The following ZNF385D variants were observed in gnomAD, a reference collection of about 807,000 sequenced individuals.
The protein encoded by ZNF385D is zinc finger protein 385D.
A neutral mutation model predicts 35.8 loss-of-function variants in ZNF385D; 15 were observed. The observed-to-expected ratio is 0.42, with a 90% CI of 0.28 to 0.64. ZNF385D has a LOEUF of 0.64. ZNF385D is among the 30% of genes least tolerant of loss of function. The pLI is 0.23. For missense variants in ZNF385D, 474 were observed against 494.6 expected (o/e 0.96, Z 0.39); for synonymous variants, 212 against 186.8 (o/e 1.13, Z -1.10).
At chr3:21,951,441 T>G (rs1326512412) in intron 3 of ZNF385D, among the ~76,000 whole-genome samples, 2 of 151,708 alleles carry the variant, frequency 1.3e-5, no homozygotes, top group Non-Finnish European at 2.9e-5. Context: ...TTAAGGAGAT[T>G]TGGGGCTGAG....
At chr3:22,294,662 G>A (rs1174131104) in intron 2 of ZNF385D, among the ~76,000 whole-genome samples, 1 of 152,028 alleles carries the variant, frequency 6.6e-6, no homozygotes, top group Non-Finnish European at 1.5e-5. Flanking sequence ...ATTACTAACT[G>A]AGTGTTGATG....
chr3:22,342,036 G>A (rs1296689987), intron 2 of ZNF385D, among the ~76,000 whole-genome samples: 8 of 152,000 alleles, frequency 5.3e-5, no homozygotes, highest in African/African-American at 1.9e-4. Flanking sequence ...AGCACTTTGG[G>A]AGGCCAAGGC....
rs1355697924 is a variant in ZNF385D at position 21,626,338 on chromosome 3, T to A, written c.165+38548A>T. 5.3e-5 allele frequency among the ~76,000 whole-genome samples: 8 copies of A among 152,222 alleles called. No homozygotes were observed. The East Asian group carries it at 1.5e-3, about 29-fold the overall frequency. Reference sequence around the variant, plus strand: ...GTGCCAGAAACTATGCTACATGTGTTATCACAATCTTCGCAAAAAGTCCAT... The same window carrying A: ...GTGCCAGAAACTATGCTACATGTGTAATCACAATCTTCGCAAAAAGTCCAT... On this transcript the variant is annotated intron_variant, in intron 2 of 7. Transcript: ENST00000281523.
chr3:21,976,950 T>G (rs766275369), intron 3 of ZNF385D, among the ~76,000 whole-genome samples: 1 of 152,152 alleles, frequency 6.6e-6, no homozygotes, highest in African/African-American at 2.4e-5. Context: ...ATTGTGCCAC[T>G]GCACGTCAGC....
At chr3:22,119,380 G>A (rs1052878860) in intron 3 of ZNF385D, among the ~76,000 whole-genome samples, 1 of 152,102 alleles carries the variant, frequency 6.6e-6, no homozygotes, top group Non-Finnish European at 1.5e-5. Flanking sequence ...ATGCAGTCTA[G>A]ACTAATTTAC....
chr3:22,143,619 T>G (rs914331096), intron 3 of ZNF385D, among the ~76,000 whole-genome samples: 1 of 152,172 alleles, frequency 6.6e-6, no homozygotes, highest in Non-Finnish European at 1.5e-5. Flanking sequence ...CTTTAAATAT[T>G]CCTATATTGA....
At position 22,118,907 on chromosome 3, in the gene ZNF385D, T is replaced by G. The variant is rs147188250; in HGVS notation, c.325+49910A>C. On this transcript the variant is annotated intron_variant, in intron 3 of 5. Transcript: ENST00000494108. ...TGTAGATAAAAGTTTTTAGAAACATTTGCAAGTCTTATAACATTATCGACC... is the reference window on the plus strand; with the variant it reads ...TGTAGATAAAAGTTTTTAGAAACATGTGCAAGTCTTATAACATTATCGACC... Among the ~76,000 whole-genome samples the G allele has an allele frequency of 3.8e-3, 586 of 152,282 alleles. 12 individuals carry two copies. The highest frequency in any genetic ancestry group is 0.014 in the African/African-American group (562 of 41,562).
At chr3:22,032,528 G>C (rs1698064235) in intron 3 of ZNF385D, among the ~76,000 whole-genome samples, 2 of 152,094 alleles carry the variant, frequency 1.3e-5, no homozygotes, top group Admixed American at 6.6e-5. Flanking sequence ...TTTGAGATGA[G>C]ATTTGGGTAG....
chr3:21,594,256 G>T (rs868829624), intron 2 of ZNF385D, among the ~76,000 whole-genome samples: 1 of 152,070 alleles, frequency 6.6e-6, no homozygotes, highest in Non-Finnish European at 1.5e-5. Context: ...TTGTTCTCTG[G>T]ACTTCCCATG....
chr3:21,488,592 C>T (rs1387251216), intron 4 of ZNF385D, among the ~76,000 whole-genome samples: 3 of 151,994 alleles, frequency 2.0e-5, no homozygotes, highest in South Asian at 2.1e-4. Flanking sequence ...ATTCTTAATA[C>T]TGTTCTAGTG....
intron 3 of ZNF385D, among the ~76,000 whole-genome samples, chr3:22,137,138 C>T (rs190359816): frequency 6.6e-6 from 1 of 152,204 alleles, no homozygotes; most frequent in African/African-American, 2.4e-5. Flanking sequence ...TATATAAGAT[C>T]TTTCTGTGTT....
chr3:21,746,248 G>A lies in ZNF385D; in HGVS notation c.22+4647C>T, dbSNP rs55967962. On this transcript the variant is annotated intron_variant, in intron 1 of 7. Transcript: ENST00000281523. ...AGTCATCATTAGCTCATGAATTTTG[G>A]AACTTATCCCTTAAATAAGCATACC... is the stretch of plus-strand genomic sequence containing the variant. 7.4e-3 allele frequency among the ~76,000 whole-genome samples: 1,120 copies of A among 152,232 alleles called. 13 individuals carry two copies. The highest frequency in any genetic ancestry group is 0.025 in the African/African-American group (1,026 of 41,544).
At chr3:21,742,414 A>T (rs2069559954) in intron 1 of ZNF385D, among the ~76,000 whole-genome samples, 1 of 152,160 alleles carries the variant, frequency 6.6e-6, no homozygotes, top group Admixed American at 6.5e-5. Flanking sequence ...TTAAATTGCT[A>T]CTTATAGATC....
chr3:22,253,060 T>C (rs116436978), intron 2 of ZNF385D, among the ~76,000 whole-genome samples: 168 of 152,198 alleles, frequency 1.1e-3, no homozygotes, highest in African/African-American at 3.8e-3. Flanking sequence ...AATTGATAGA[T>C]GTTGGAAGAT....
At chr3:22,016,730 C>G (rs7623975) in intron 3 of ZNF385D, among the ~76,000 whole-genome samples, 55,276 of 151,776 alleles carry the variant, frequency 0.36, 11,256 homozygotes, top group African/African-American at 0.54. Flanking sequence ...TTGCAGAAGT[C>G]AGCAATAGTC....
At chr3:21,602,178 A>C (rs1042334053) in intron 2 of ZNF385D, among the ~76,000 whole-genome samples, 1 of 152,080 alleles carries the variant, frequency 6.6e-6, no homozygotes, top group Non-Finnish European at 1.5e-5. Context: ...ATTCACTACC[A>C]GGAGAACAGT....
At chr3:21,727,664 C>T (rs1406834043) in intron 1 of ZNF385D, among the ~76,000 whole-genome samples, 1 of 152,150 alleles carries the variant, frequency 6.6e-6, no homozygotes, top group Non-Finnish European at 1.5e-5. Context: ...AGTCAGGAAA[C>T]AACAGATGCT....
chr3:22,367,025 A>T (rs1379421970), intron 2 of ZNF385D, among the ~76,000 whole-genome samples: 1 of 152,162 alleles, frequency 6.6e-6, no homozygotes, highest in Non-Finnish European at 1.5e-5. Flanking sequence ...ACTAATTTCA[A>T]ACATCTGGCT....
intron 2 of ZNF385D, among the ~76,000 whole-genome samples, chr3:22,171,479 G>A (rs2125762266): frequency 6.6e-6 from 1 of 152,246 alleles, no homozygotes; most frequent in Middle Eastern, 3.4e-3. Flanking sequence ...TTTGTACTAA[G>A]TTGCAAAAAT....
Sources: allele counts gnomAD v4.1 joint callset (sites outside exome capture counted in the v4.1 genomes callset), GRCh38; gene constraint gnomAD v4.1.1; transcripts MANE v1.5; gene names NCBI Gene and HGNC (gene_info 2026-07-23, HGNC 2026-07-21).